Variants in MPRIP observed in about 807,000 individuals in gnomAD.
MPRIP encodes the protein myosin phosphatase Rho-interacting protein.
Under a neutral mutation model 234.9 loss-of-function variants are expected in MPRIP, and 59 were observed. The observed-to-expected ratio is 0.25, with a 90% CI of 0.20 to 0.31. The LOEUF (loss-of-function observed/expected upper bound fraction) is 0.31. MPRIP is among the 10% of genes least tolerant of loss of function. The pLI is 1.00. For synonymous variants in MPRIP, 1,144 were observed against 1,263.9 expected (o/e 0.91, Z 2.01); for missense variants, 2,436 against 3,071.0 (o/e 0.79, Z 4.89).
intron 4 of MPRIP, among the ~76,000 whole-genome samples, chr17:17,129,168 C>T (rs970510448): frequency 2.0e-5 from 3 of 152,196 alleles, no homozygotes; most frequent in African/African-American, 4.8e-5. Context: ...CTGGGCCACA[C>T]TTTACATAGC....
At chr17:17,146,700 G>C (rs1003777567) in intron 10 of MPRIP, among the ~76,000 whole-genome samples, 1 of 152,170 alleles carries the variant, frequency 6.6e-6, no homozygotes, top group Non-Finnish European at 1.5e-5. Flanking sequence ...AAGCCTGCTG[G>C]GTCCTTACCT....
At chr17:17,153,967 C>A (rs547482990) in intron 12 of MPRIP, among the ~76,000 whole-genome samples, 2 of 152,192 alleles carry the variant, frequency 1.3e-5, no homozygotes. Flanking sequence ...TCCCCCGAGG[C>A]TGGGAACTCC....
intron 15 of MPRIP, among the ~76,000 whole-genome samples, chr17:17,162,960 T>C (rs2045905077): frequency 6.6e-6 from 1 of 152,238 alleles, no homozygotes; most frequent in South Asian, 2.1e-4. Flanking sequence ...CTGTCTAACT[T>C]GCATAATTGC....
chr17:17,121,832 G>A (rs2090395007), intron 3 of MPRIP, among the ~76,000 whole-genome samples: 1 of 151,970 alleles, frequency 6.6e-6, no homozygotes, highest in African/African-American at 2.4e-5. Flanking sequence ...ACTCTGAAAG[G>A]CCCCAGTGTG....
intron 14 of MPRIP, among the ~76,000 whole-genome samples, chr17:17,159,616 C>T (rs1240720087): frequency 6.6e-6 from 1 of 152,172 alleles, no homozygotes; most frequent in Admixed American, 6.5e-5. Flanking sequence ...AGCTGGCCCC[C>T]GAACTATAAA....
intron 13 of MPRIP, among the ~76,000 whole-genome samples, chr17:17,156,619 G>A (rs1353233767): frequency 2.0e-5 from 3 of 152,220 alleles, no homozygotes; most frequent in African/African-American, 7.2e-5. Context: ...GGCACTAGAG[G>A]AGCCTTGTGG....
chr17:17,066,623 A>G (rs1370301409), intron 1 of MPRIP, among the ~76,000 whole-genome samples: 1 of 148,676 alleles, frequency 6.7e-6, no homozygotes, highest in Non-Finnish European at 1.5e-5. Flanking sequence ...TCCTCAAACC[A>G]CGGATAGTAC....
At chr17:17,113,412 T>C (rs4985730) in intron 3 of MPRIP, among the ~76,000 whole-genome samples, 65,602 of 152,194 alleles carry the variant, frequency 0.43, 16,906 homozygotes, top group East Asian at 0.7. Context: ...CTTTTGTGAC[T>C]GGCTTATTGC....
chr17:17,093,370 A>C (rs2089764578), intron 3 of MPRIP, among the ~76,000 whole-genome samples: 1 of 152,206 alleles, frequency 6.6e-6, no homozygotes, highest in South Asian at 2.1e-4. Flanking sequence ...ACACCTAAAG[A>C]GAAGTGTAAA....
intron 16 of MPRIP, chr17:17,168,244 AGCCTTGCCTCCTTCCT>A: frequency 3.7e-6 from 1 of 273,136 alleles, no homozygotes; most frequent in Admixed American, 5.0e-5. Context: ...TCCCCTTGCC[AGCCTTGCCTCCTTCCT>A]GCCCCTGCCC....
intron 16 of MPRIP, among the ~76,000 whole-genome samples, chr17:17,169,472 C>G (rs2046082995): frequency 6.6e-6 from 1 of 152,186 alleles, no homozygotes; most frequent in South Asian, 2.1e-4. Context: ...AGCAAGAAAT[C>G]AGAAAAAAGA....
At chr17:17,111,752 C>T (rs1464942056) in intron 3 of MPRIP, among the ~76,000 whole-genome samples, 1 of 152,208 alleles carries the variant, frequency 6.6e-6, no homozygotes, top group Admixed American at 6.5e-5. Flanking sequence ...AGCAGGCAGT[C>T]TCCTACCTTC....
intron 13 of MPRIP, among the ~76,000 whole-genome samples, chr17:17,158,182 TCTTTTCCCTTC>T (rs2045773159): frequency 6.6e-6 from 1 of 152,184 alleles, no homozygotes; most frequent in Admixed American, 6.5e-5. Flanking sequence ...TTTCTGAGGC[TCTTTTCCCTTC>T]CTTTCCCCTT....
At chr17:17,048,348 C>A (rs867698953) in intron 1 of MPRIP, among the ~76,000 whole-genome samples, 1 of 152,106 alleles carries the variant, frequency 6.6e-6, no homozygotes, top group African/African-American at 2.4e-5. Flanking sequence ...TGGGCCAGGA[C>A]GAGGTCTCAG....
chr17:17,079,645 A>AGGG (rs2089417160), intron 3 of MPRIP, among the ~76,000 whole-genome samples: 1 of 152,232 alleles, frequency 6.6e-6, no homozygotes, highest in Non-Finnish European at 1.5e-5. Context: ...ACTGGATTAC[A>AGGG]TTCAGGCTGG....
chr17:17,179,901 C>T lies in MPRIP; in HGVS notation c.7121-102C>T, dbSNP rs564587328. 6.6e-6 allele frequency: 6 copies of T among 911,140 alleles called. No individual in the cohort carries two copies. In the African/African-American group the frequency reaches 8.5e-5, roughly 13 times the overall value. The allele number at this position is 911,140 out of a possible 1,614,324, so 56.4% of individuals were successfully genotyped here. A position where few individuals can be genotyped will look rare whatever the true frequency, so the allele number is the denominator to read the frequency against. Reference sequence around the variant, plus strand: ...TGTTTAAGGAATTGTCCTAAGTATGCTGCAGTAGGAAGCTTGGGAAATGTT... The same window carrying T: ...TGTTTAAGGAATTGTCCTAAGTATGTTGCAGTAGGAAGCTTGGGAAATGTT... On this transcript the variant is annotated intron_variant, in intron 22 of 23. Transcript: ENST00000651222.
At chr17:17,084,564 C>G (rs1204439269) in intron 3 of MPRIP, among the ~76,000 whole-genome samples, 3 of 152,254 alleles carry the variant, frequency 2.0e-5, no homozygotes, top group Non-Finnish European at 4.4e-5. Flanking sequence ...GTAGGCAAGG[C>G]AGACTCCTGC....
intron 3 of MPRIP, among the ~76,000 whole-genome samples, chr17:17,081,677 G>T (rs2089464953): frequency 6.6e-6 from 1 of 152,222 alleles, no homozygotes; most frequent in African/African-American, 2.4e-5. Flanking sequence ...GCTTCGGGAA[G>T]CCCTTTCTGC....
rs550208552 is a variant in MPRIP at position 17,161,236 on chromosome 17, A to G, written c.2401-4A>G. 1.9e-6 allele frequency: 3 copies of G among 1,593,086 alleles called. No homozygotes were observed. The highest frequency in any genetic ancestry group is 1.3e-5 in the African/African-American group (1 of 74,650). On this transcript the variant is annotated splice_polypyrimidine_tract_variant and splice_region_variant and intron_variant, in intron 14 of 23. Coordinates refer to ENST00000651222, the MANE Select transcript of MPRIP (RefSeq NM_001364716.4). The stretch of plus-strand genomic sequence containing the variant: ...CATAAAAGTGTGTGTCTTTTTGCCA[A>G]CAGCTGGAGCAGAGCCAGAAGGAGG...
Sources: allele counts gnomAD v4.1 joint callset (sites outside exome capture counted in the v4.1 genomes callset), GRCh38; gene constraint gnomAD v4.1.1; transcripts MANE v1.5; gene names NCBI Gene and HGNC (gene_info 2026-07-23, HGNC 2026-07-21).